CCDC102B: variants seen among roughly 807,000 people sequenced by gnomAD.
CCDC102B encodes coiled-coil domain-containing protein 102B.
CCDC102B carries 75 observed loss-of-function variants against 57.4 expected under a neutral mutation model. The observed-to-expected ratio is 1.31, with a 90% CI of 1.08 to 1.58. The LOEUF (loss-of-function observed/expected upper bound fraction) is 1.58, where lower values mean the gene tolerates loss of function less well. Ranked by LOEUF, CCDC102B falls within the 40% of genes most tolerant of loss-of-function variation. CCDC102B has a pLI of 0.00. For synonymous variants in CCDC102B, 206 were observed against 201.9 expected (o/e 1.02, Z -0.17); for missense variants, 636 against 582.6 (o/e 1.09, Z -0.94).
At chr18:68,830,911 A>G (rs1398585913) in intron 1 of CCDC102B, among the ~76,000 whole-genome samples, 2 of 152,068 alleles carry the variant, frequency 1.3e-5, no homozygotes, top group African/African-American at 4.8e-5. Flanking sequence ...CTGCCAGAAA[A>G]CAGGAATTTT....
chr18:68,804,859 A>G (rs2035976373), intron 1 of CCDC102B, among the ~76,000 whole-genome samples: 1 of 141,538 alleles, frequency 7.1e-6, no homozygotes, highest in Non-Finnish European at 1.5e-5. Context: ...GGTTGGGATC[A>G]AAATCTTTTT....
intron 6 of CCDC102B, among the ~76,000 whole-genome samples, chr18:68,946,356 A>C (rs962677406): frequency 6.6e-6 from 1 of 152,050 alleles, no homozygotes; most frequent in Non-Finnish European, 1.5e-5. Context: ...TATATAATGC[A>C]TACTTGCTAT....
At chr18:68,832,229 C>T (rs1207730881) in intron 1 of CCDC102B, among the ~76,000 whole-genome samples, 2 of 152,122 alleles carry the variant, frequency 1.3e-5, no homozygotes, top group Non-Finnish European at 2.9e-5. Context: ...TTAACTTCTG[C>T]CAAAAATGCT....
intron 6 of CCDC102B, chr18:68,897,872 GTTC>G (rs2040299849): frequency 4.8e-6 from 1 of 206,796 alleles, no homozygotes; most frequent in Non-Finnish European, 9.9e-6. Flanking sequence ...CTGCTTTCTG[GTTC>G]TTTTTTGTCA....
intron 6 of CCDC102B, among the ~76,000 whole-genome samples, chr18:68,911,751 C>CAAAAAAAA (rs74175338): frequency 0.013 from 241 of 17,982 alleles, 15 homozygotes; most frequent in African/African-American, 0.025. Flanking sequence ...GACTCCGTCT[C>CAAAAAAAA]AAAAAAAAAA....
chr18:68,917,836 G>A (rs2041130334), intron 6 of CCDC102B, among the ~76,000 whole-genome samples: 1 of 151,944 alleles, frequency 6.6e-6, no homozygotes. Flanking sequence ...ATTATAATCA[G>A]TGCTTTTCAA....
At chr18:68,715,269 C>G (rs932381337) in exon 1 of CCDC102B, 58 of 1,311,446 alleles carry the variant, frequency 4.4e-5, no homozygotes, top group Admixed American at 7.5e-5. Context: ...CGTGGGAACC[C>G]TGCTTAAGGG....
chr18:68,733,543 A>G (rs1049769373), intron 2 of CCDC102B, among the ~76,000 whole-genome samples: 10 of 144,872 alleles, frequency 6.9e-5, no homozygotes, highest in African/African-American at 2.5e-4. Flanking sequence ...AAGTTAGACA[A>G]CTTTAGAGAT....
At chr18:68,927,148 T>C (rs770346870) in intron 6 of CCDC102B, among the ~76,000 whole-genome samples, 13 of 152,058 alleles carry the variant, frequency 8.5e-5, no homozygotes, top group Middle Eastern at 6.8e-3. Context: ...GACTGTGAGC[T>C]TCAGAGTCAG....
rs572371919 is a variant in CCDC102B, at chr18:68,897,634, C to T, written c.1263+206C>T. 3.3e-6 allele frequency: 5 copies of T among 1,501,950 alleles called. No individual in the cohort carries two copies. The East Asian group carries it at 1.3e-4, about 39-fold the overall frequency. 93.0% of individuals were successfully genotyped at this position (1,501,950 alleles called of 1,614,324 possible). A position where few individuals can be genotyped will look rare whatever the true frequency, so the allele number is the denominator to read the frequency against. On this transcript the variant is annotated intron_variant, in intron 6 of 7. Coordinates refer to ENST00000360242, the MANE Select transcript of CCDC102B (RefSeq NM_024781.3). ...AAGTGTGTCAAATGTTAAAATATGACAAATCTTCAGACAGTTTCAAGATTT... is the reference window on the plus strand; with the variant it reads ...AAGTGTGTCAAATGTTAAAATATGATAAATCTTCAGACAGTTTCAAGATTT...
intron 2 of CCDC102B, among the ~76,000 whole-genome samples, chr18:68,788,098 T>C (rs2035279889): frequency 6.6e-6 from 1 of 151,986 alleles, no homozygotes; most frequent in Admixed American, 6.5e-5. Context: ...CCAGTAGTCA[T>C]TCAGGAGCAG....
At chr18:68,832,247 C>A (rs1819610768) in intron 1 of CCDC102B, among the ~76,000 whole-genome samples, 1 of 152,182 alleles carries the variant, frequency 6.6e-6, no homozygotes, top group South Asian at 2.1e-4. Context: ...GCTTTTCTTT[C>A]TGCCCCATTT....
chr18:68,862,186 T>C (rs1261145656), intron 4 of CCDC102B, among the ~76,000 whole-genome samples: 1 of 152,218 alleles, frequency 6.6e-6, no homozygotes, highest in Non-Finnish European at 1.5e-5. Context: ...TCTGTGCAAG[T>C]CATAATGAAT....
chr18:68,758,245 A>G (rs1000751797), intron 2 of CCDC102B, among the ~76,000 whole-genome samples: 4 of 151,678 alleles, frequency 2.6e-5, no homozygotes, highest in Non-Finnish European at 5.9e-5. Flanking sequence ...TATGTGTTAC[A>G]TATGTGTATA....
chr18:68,843,873 A>G (rs1023961797), intron 3 of CCDC102B, among the ~76,000 whole-genome samples: 15 of 152,014 alleles, frequency 9.9e-5, no homozygotes, highest in African/African-American at 3.6e-4. Flanking sequence ...TAGAAAATTA[A>G]GGATTTATAG....
chr18:68,854,261 C>T (rs894283315), intron 4 of CCDC102B, among the ~76,000 whole-genome samples: 1 of 151,850 alleles, frequency 6.6e-6, no homozygotes, highest in African/African-American at 2.4e-5. Flanking sequence ...CCACCACACC[C>T]GACTAATTTT....
At chr18:68,813,774 T>TTTTATATA (rs1555705719) in intron 1 of CCDC102B, among the ~76,000 whole-genome samples, 3 of 145,962 alleles carry the variant, frequency 2.1e-5, no homozygotes, top group South Asian at 2.1e-4. Flanking sequence ...AAATATAATT[T>TTTTATATA]TATATATATA....
chr18:69,000,644 T>C (rs1300586965), intron 6 of CCDC102B, among the ~76,000 whole-genome samples: 3 of 152,164 alleles, frequency 2.0e-5, no homozygotes, highest in Admixed American at 1.3e-4. Flanking sequence ...GTGATTGTTA[T>C]AACAGAGTAA....
intron 1 of CCDC102B, among the ~76,000 whole-genome samples, chr18:68,799,069 T>C (rs1034153723): frequency 2.6e-5 from 4 of 152,102 alleles, no homozygotes; most frequent in African/African-American, 9.6e-5. Context: ...TTTTTGCTAA[T>C]AATTTTCATG....
Sources: allele counts gnomAD v4.1 joint callset (sites outside exome capture counted in the v4.1 genomes callset), GRCh38; gene constraint gnomAD v4.1.1; transcripts MANE v1.5; gene names NCBI Gene and HGNC (gene_info 2026-07-23, HGNC 2026-07-21).